Variants in BBX observed in about 807,000 individuals in gnomAD.
BBX encodes the protein HMG box transcription factor BBX.
In BBX, 30 loss-of-function variants were observed where a neutral mutation model predicts 100.2. That is an observed-to-expected ratio of 0.30 (90% CI 0.22 to 0.41). BBX has a LOEUF of 0.41. Ranked by LOEUF, BBX falls within the 10% of genes least tolerant of loss-of-function variation. BBX has a pLI of 1.00. For synonymous variants in BBX, 376 were observed against 388.1 expected, an observed-to-expected ratio of 0.97 and a Z score of 0.37; for missense variants, 1,023 against 1,129.8, an observed-to-expected ratio of 0.91 and a Z score of 1.35.
intron 9 of BBX, among the ~76,000 whole-genome samples, chr3:107,749,583 A>G (rs1340596613): frequency 1.3e-5 from 2 of 151,876 alleles, no homozygotes; most frequent in African/African-American, 4.8e-5. Context: ...ATCTCAGCTG[A>G]TGCTGGTTCT....
chr3:107,698,857 T>G (rs951918409), intron 3 of BBX, among the ~76,000 whole-genome samples: 14 of 151,766 alleles, frequency 9.2e-5, no homozygotes, highest in African/African-American at 3.2e-4. Flanking sequence ...ACCAGGTGTT[T>G]TAGTTTGGCA....
intron 5 of BBX, among the ~76,000 whole-genome samples, chr3:107,718,980 T>C (rs1232080937): frequency 1.3e-5 from 2 of 152,084 alleles, no homozygotes; most frequent in Non-Finnish European, 2.9e-5. Flanking sequence ...CATCTTACTT[T>C]CTAAATGGTT....
intron 2 of BBX, among the ~76,000 whole-genome samples, chr3:107,564,901 A>G (rs2050771005): frequency 6.6e-6 from 1 of 152,130 alleles, no homozygotes; most frequent in Non-Finnish European, 1.5e-5. Flanking sequence ...TTTTATCTGA[A>G]TTGCATGCAA....
chr3:107,678,784 A>T (rs2059418767), intron 3 of BBX, among the ~76,000 whole-genome samples: 2 of 152,082 alleles, frequency 1.3e-5, no homozygotes, highest in Non-Finnish European at 2.9e-5. Flanking sequence ...GAATGTTTAT[A>T]GTCCATGATT....
intron 3 of BBX, among the ~76,000 whole-genome samples, chr3:107,702,891 T>C (rs867912979): frequency 6.6e-6 from 1 of 152,090 alleles, no homozygotes; most frequent in Admixed American, 6.6e-5. Flanking sequence ...GAGAAAGGAC[T>C]GCGCAGAAGC....
chr3:107,765,452 T>G (rs958422437), intron 10 of BBX, among the ~76,000 whole-genome samples: 4 of 151,606 alleles, frequency 2.6e-5, no homozygotes, highest in South Asian at 4.2e-4. Flanking sequence ...TGGGTGTGGG[T>G]GTGTATGTGT....
intron 13 of BBX, among the ~76,000 whole-genome samples, chr3:107,785,500 C>G (rs1440690092): frequency 6.6e-6 from 1 of 151,972 alleles, no homozygotes; most frequent in South Asian, 2.1e-4. Flanking sequence ...GGGATTTTAC[C>G]TCATGACTGC....
At position 107,700,544 on chromosome 3, in the gene BBX, C is replaced by T. The variant is rs186419512; in HGVS notation, c.-9-9908C>T. 2.3e-3 allele frequency among the ~76,000 whole-genome samples: 349 copies of T among 149,720 alleles called. 9 individuals are homozygous for T. The highest frequency in any genetic ancestry group is 5.4e-3 in the African/African-American group (217 of 40,138). On this transcript the variant is annotated intron_variant, in intron 3 of 17. Transcript: ENST00000325805. ...TGTTGGTGTGCTGCACCCATTAACT[C>T]GTCATTTAGCATTAGGTATATCTCC...
intron 2 of BBX, among the ~76,000 whole-genome samples, chr3:107,573,055 A>G (rs1370186173): frequency 1.3e-5 from 2 of 152,260 alleles, no homozygotes; most frequent in African/African-American, 4.8e-5. Context: ...GATCGTATTT[A>G]CAATAATTAA....
chr3:107,784,401 G>A (rs2068208317), intron 13 of BBX, among the ~76,000 whole-genome samples: 2 of 151,892 alleles, frequency 1.3e-5, no homozygotes, highest in African/African-American at 4.8e-5. Context: ...TAGACCATAT[G>A]TTAATCCATA....
At chr3:107,567,505 C>T (rs1232769063) in intron 2 of BBX, among the ~76,000 whole-genome samples, 4 of 151,824 alleles carry the variant, frequency 2.6e-5, no homozygotes, top group Non-Finnish European at 5.9e-5. Flanking sequence ...TTTCTTTTTC[C>T]CTTCTAAAGA....
intron 3 of BBX, among the ~76,000 whole-genome samples, chr3:107,646,735 T>A (rs2057540869): frequency 6.6e-6 from 1 of 152,156 alleles, no homozygotes; most frequent in South Asian, 2.1e-4. Flanking sequence ...TTAGTTATAG[T>A]TTTCAGGAAA....
In BBX at chr3:107,568,740, T is replaced by A. The variant is rs1393874832; in HGVS notation, c.-84+42342T>A. 2.0e-5 allele frequency among the ~76,000 whole-genome samples: 3 copies of A among 152,216 alleles called. No homozygotes were observed. In the East Asian group the frequency reaches 5.8e-4, roughly 29 times the overall value. On this transcript the variant is annotated intron_variant, in intron 2 of 17. Transcript: ENST00000325805. ...AAATCCTTGGCCCAGGTTCCACTCA[T>A]AATTCTTTCTTCAACGATATTCTTT...
chr3:107,562,791 G>A (rs1171987161), intron 2 of BBX, among the ~76,000 whole-genome samples: 1 of 152,126 alleles, frequency 6.6e-6, no homozygotes, highest in African/African-American at 2.4e-5. Context: ...CAGGTTACAT[G>A]TGTAACCTGA....
intron 2 of BBX, among the ~76,000 whole-genome samples, chr3:107,551,141 C>CTGATTTATATTATAT (rs1269292110): frequency 6.6e-6 from 1 of 152,142 alleles, no homozygotes; most frequent in Non-Finnish European, 1.5e-5. Context: ...AATATTTATA[C>CTGATTTATATTATAT]ACTGTAAATA....
intron 9 of BBX, among the ~76,000 whole-genome samples, chr3:107,751,386 T>A (rs2065065273): frequency 6.6e-6 from 1 of 152,244 alleles, no homozygotes; most frequent in African/African-American, 2.4e-5. Context: ...TTCATTTTAT[T>A]TACAAACTCT....
chr3:107,710,232 G>A (rs959074201), intron 3 of BBX, among the ~76,000 whole-genome samples: 6 of 152,158 alleles, frequency 3.9e-5, no homozygotes, highest in Non-Finnish European at 5.9e-5. Context: ...GCTCCATTTA[G>A]CCCACTAAAA....
intron 2 of BBX, among the ~76,000 whole-genome samples, chr3:107,552,705 T>C (rs907825514): frequency 1.3e-4 from 20 of 152,212 alleles, no homozygotes; most frequent in African/African-American, 4.8e-4. Flanking sequence ...TAATCACAAT[T>C]GGATTCATCC....
chr3:107,660,405 T>C (rs989308720), intron 3 of BBX, among the ~76,000 whole-genome samples: 11 of 151,358 alleles, frequency 7.3e-5, no homozygotes, highest in African/African-American at 2.4e-4. Flanking sequence ...ATACCACTCA[T>C]ATTTTAAAAG....
Sources: allele counts gnomAD v4.1 joint callset (sites outside exome capture counted in the v4.1 genomes callset), GRCh38; gene constraint gnomAD v4.1.1; transcripts MANE v1.5; gene names NCBI Gene and HGNC (gene_info 2026-07-23, HGNC 2026-07-21).